Variants in CELF2 observed in about 807,000 individuals in gnomAD.
CELF2 encodes CUGBP Elav-like family member 2, also known as CUG triplet repeat RNA-binding protein 2.
In CELF2, 8 loss-of-function variants were observed where a neutral mutation model predicts 62.6. That is an observed-to-expected ratio of 0.13 (90% CI 0.07 to 0.23). CELF2 has a LOEUF of 0.23. Ranked by LOEUF, CELF2 falls within the 10% of genes least tolerant of loss-of-function variation. CELF2 has a pLI of 1.00. For missense variants in CELF2, 333 were observed against 671.0 expected (o/e 0.50, Z 5.56); for synonymous variants, 258 against 250.0 (o/e 1.03, Z -0.30).
chr10:10,586,890 AC>A, the CELF2 span, among the ~76,000 whole-genome samples: 2 of 152,194 alleles, frequency 1.3e-5, no homozygotes, highest in African/African-American at 4.8e-5. Flanking sequence ...CAGCTAGAAC[AC>A]ATAGTGGCCT....
In CELF2 at chr10:11,211,819, T is replaced by A. The variant is rs762608759; in HGVS notation, c.272-5606T>A. ...GAGAGAGAGAGAGAGAGAGAGTGTG[T>A]GTGTGTGTGTGTGTGTGTGTGTGTG... On this transcript the variant is annotated intron_variant, in intron 2 of 12. Coordinates refer to ENST00000633077, the MANE Select transcript of CELF2 (RefSeq NM_001326342.2). The surrounding 1 kb of genome is among the most constrained non-coding windows in gnomAD (Gnocchi z 4.8). Among the ~76,000 whole-genome samples, 2,375 of 92,412 alleles carry A rather than the reference T, an allele frequency of 0.026. 31 individuals are homozygous for A. Among genetic ancestry groups the A allele is most frequent in the Middle Eastern group, 0.037 (6 of 162 alleles). 60.6% of individuals were successfully genotyped at this position (92,412 alleles called of 152,430 possible). A position where few individuals can be genotyped will look rare whatever the true frequency, so the allele number is the denominator to read the frequency against.
At chr10:10,770,883 C>G in the CELF2 span, among the ~76,000 whole-genome samples, 351 of 152,296 alleles carry the variant, frequency 2.3e-3, 1 homozygote, top group Admixed American at 3.2e-3. Flanking sequence ...TACTTCTTAT[C>G]TAGGGATGTG....
At chr10:10,534,217 AAAAAAAAAAAAAG>A in the CELF2 span, among the ~76,000 whole-genome samples, 1 of 150,854 alleles carries the variant, frequency 6.6e-6, no homozygotes, top group Non-Finnish European at 1.5e-5. Flanking sequence ...GAGTTGTTAA[AAAAAAAAAAAAAG>A]AAAAAGAAAA....
In CELF2 at chr10:11,302,434, G is replaced by GGAGGT. The variant is rs371492295; in HGVS notation, c.977-11704_977-11703insAGGTG. 3.1e-3 allele frequency among the ~76,000 whole-genome samples: 479 copies of GGAGGT among 152,340 alleles called. 3 individuals are homozygous for GGAGGT. Among genetic ancestry groups the GGAGGT allele is most frequent in the African/African-American group, 0.011 (453 of 41,572 alleles). On this transcript the variant is annotated intron_variant, in intron 9 of 12. Coordinates refer to ENST00000633077, the MANE Select transcript of CELF2 (RefSeq NM_001326342.2). This position sits in a 1 kb window ranked among gnomAD's most constrained non-coding sequence, Gnocchi z 5.0. ...GGGAGCCCCAGGTGGTGCCGATGCG[G>GGAGGT]GCGAGGCTGTAACTTTACAGTAACG...
intron 1 of CELF2, among the ~76,000 whole-genome samples, chr10:10,832,578 G>A (rs1034288984): frequency 6.6e-6 from 1 of 152,210 alleles, no homozygotes; most frequent in African/African-American, 2.4e-5. Flanking sequence ...GAAGAGTGAT[G>A]ATAGCTTTGT....
chr10:10,655,726 A>G, the CELF2 span, among the ~76,000 whole-genome samples: 1 of 131,492 alleles, frequency 7.6e-6, no homozygotes, highest in African/African-American at 2.8e-5. Flanking sequence ...TCAATTCAAG[A>G]TGGATTAAAG....
chr10:10,908,940 C>A (rs1307079264), intron 1 of CELF2, among the ~76,000 whole-genome samples: 1 of 152,140 alleles, frequency 6.6e-6, no homozygotes. Context: ...GCATGTGCCA[C>A]CATGCCAGGC....
the CELF2 span, among the ~76,000 whole-genome samples, chr10:10,614,502 A>G: frequency 5.9e-5 from 9 of 152,172 alleles, no homozygotes; most frequent in African/African-American, 1.2e-4. Context: ...AAACAAAACT[A>G]AACTAAAGTT....
At chr10:10,846,387 T>G (rs1202325867) in intron 1 of CELF2, among the ~76,000 whole-genome samples, 1 of 152,192 alleles carries the variant, frequency 6.6e-6, no homozygotes. Flanking sequence ...CAGCAGCTGC[T>G]GCCTGGACAC....
chr10:10,658,582 T>C, the CELF2 span, among the ~76,000 whole-genome samples: 2 of 152,328 alleles, frequency 1.3e-5, no homozygotes, highest in South Asian at 2.1e-4. Context: ...TTGCTAACTT[T>C]TATAAATGTG....
At chr10:10,794,197 C>T (rs887218992), upstream of CELF2, among the ~76,000 whole-genome samples, 1 of 152,088 alleles carries the variant, frequency 6.6e-6, no homozygotes, top group Non-Finnish European at 1.5e-5. Flanking sequence ...TTTTTTAGCT[C>T]GCTCCATCTG....
chr10:10,775,698 A>T, the CELF2 span, among the ~76,000 whole-genome samples: 1 of 152,174 alleles, frequency 6.6e-6, no homozygotes, highest in South Asian at 2.1e-4. Context: ...AGGGCATCAT[A>T]AGAATTCCAG....
chr10:11,131,538 G>A (rs148933284), intron 1 of CELF2, among the ~76,000 whole-genome samples: 1 of 152,316 alleles, frequency 6.6e-6, no homozygotes, highest in East Asian at 1.9e-4. Flanking sequence ...AAAACAGCCA[G>A]CACACCTTTT....
chr10:11,288,394 A>T (rs1181243720), intron 8 of CELF2, 24 bp from the exon 9 acceptor site: 1 of 1,612,822 alleles, frequency 6.2e-7, no homozygotes, highest in Admixed American at 1.7e-5. Context: ...TGTTGCTGAA[A>T]GTAACTTTCT....
the CELF2 span, among the ~76,000 whole-genome samples, chr10:10,531,763 A>C: frequency 6.6e-6 from 1 of 152,172 alleles, no homozygotes; most frequent in East Asian, 1.9e-4. Context: ...CATCTCTACT[A>C]AAGTAAACTT....
chr10:10,514,534 G>A, the CELF2 span, among the ~76,000 whole-genome samples: 1 of 152,252 alleles, frequency 6.6e-6, no homozygotes, highest in Non-Finnish European at 1.5e-5. Context: ...AGTGCTGGAA[G>A]CTTCCTGGCA....
At chr10:10,494,057 C>T in the CELF2 span, among the ~76,000 whole-genome samples, 1 of 152,194 alleles carries the variant, frequency 6.6e-6, no homozygotes, top group Non-Finnish European at 1.5e-5. Flanking sequence ...GAGAAGTTTA[C>T]ACTAATGTCT....
chr10:10,910,682 A>G (rs1347256022), intron 1 of CELF2, among the ~76,000 whole-genome samples: 11 of 131,728 alleles, frequency 8.4e-5, no homozygotes, highest in Admixed American at 7.2e-4. Flanking sequence ...CCTGGACTAC[A>G]GAGTGAGACT....
the CELF2 span, among the ~76,000 whole-genome samples, chr10:10,762,661 A>G: frequency 4.6e-4 from 70 of 152,298 alleles, 1 homozygote; most frequent in African/African-American, 1.5e-3. Context: ...TTCACACCCA[A>G]TATCTATGCC....
Sources: allele counts gnomAD v4.1 joint callset (sites outside exome capture counted in the v4.1 genomes callset), GRCh38; gene constraint gnomAD v4.1.1; non-coding constraint Gnocchi (gnomAD v3.1); transcripts MANE v1.5; gene names NCBI Gene and HGNC (gene_info 2026-07-23, HGNC 2026-07-21).